GLIS3: variants seen among roughly 807,000 people sequenced by gnomAD.
GLIS3 encodes the protein GLIS family zinc finger 3, also known as zinc finger protein GLIS3.
Under a neutral mutation model 78.6 loss-of-function variants are expected in GLIS3, and 53 were observed. The observed-to-expected ratio is 0.67, with a 90% CI of 0.54 to 0.85. GLIS3 has a LOEUF of 0.85. Among genes scored for constraint, GLIS3 ranks in the 40% least tolerant of loss-of-function variants. The pLI is 0.00. For missense variants in GLIS3, 1,703 were observed against 1,231.1 expected, an observed-to-expected ratio of 1.38 and a Z score of -5.74; for synonymous variants, 684 against 509.9, an observed-to-expected ratio of 1.34 and a Z score of -4.60.
chr9:4,237,495 G>C (rs1587092595), intron 2 of GLIS3, among the ~76,000 whole-genome samples: 1 of 152,316 alleles, frequency 6.6e-6, no homozygotes, highest in East Asian at 1.9e-4. Flanking sequence ...TTCAGGCTCA[G>C]TCTACTGAGC....
At chr9:3,880,994 T>G (rs1217741337) in intron 7 of GLIS3, among the ~76,000 whole-genome samples, 1 of 152,012 alleles carries the variant, frequency 6.6e-6, no homozygotes, top group South Asian at 2.1e-4. Context: ...AGGCTGAGCT[T>G]CTGTTGTGTG....
At chr9:4,061,472 A>T (rs1270019952) in intron 4 of GLIS3, among the ~76,000 whole-genome samples, 1 of 152,176 alleles carries the variant, frequency 6.6e-6, no homozygotes, top group Non-Finnish European at 1.5e-5. Flanking sequence ...ATGGATGGAC[A>T]TTTGGATCAA....
At chr9:4,377,374 G>A in the GLIS3 span, among the ~76,000 whole-genome samples, 2 of 135,628 alleles carry the variant, frequency 1.5e-5, 1 homozygote, top group South Asian at 5.7e-4. Context: ...CAGACTCCAG[G>A]TTCTTTGGCT....
rs1817625552 is a variant in GLIS3, at chr9:3,824,578, T to C, written c.*3694A>G. The C allele has an allele frequency of 6.6e-6, 1 of 152,420 alleles. No individual in the cohort carries two copies. The highest frequency in any genetic ancestry group is 2.1e-4 in the South Asian group (1 of 4,832). 9.4% of individuals were successfully genotyped at this position (152,420 alleles called of 1,614,324 possible). ...AACAAGACAAAATAACTTATGATTATATGAAACATAACTGTGACAAATCAC... is the reference window on the plus strand; with the variant it reads ...AACAAGACAAAATAACTTATGATTACATGAAACATAACTGTGACAAATCAC... On this transcript the variant is annotated 3_prime_UTR_variant, in exon 11 of 11. Coordinates refer to ENST00000381971, the MANE Select transcript of GLIS3 (RefSeq NM_001042413.2).
At chr9:4,049,686 G>C (rs987520011) in intron 4 of GLIS3, among the ~76,000 whole-genome samples, 5 of 152,040 alleles carry the variant, frequency 3.3e-5, no homozygotes, top group Non-Finnish European at 5.9e-5. Flanking sequence ...GAACATTTTT[G>C]CAATCTACCC....
rs551421637 is a variant in GLIS3 at position 4,330,250 on chromosome 9, A to G, written n.264+16831T>C. Among the ~76,000 whole-genome samples, 3 of 152,336 alleles carry G rather than the reference A, an allele frequency of 2.0e-5. No homozygotes were observed. In the South Asian group the frequency reaches 6.2e-4, roughly 32 times the overall value. On this transcript the variant is annotated intron_variant and non_coding_transcript_variant, in intron 2 of 4. Transcript: ENST00000471664. ...TCCCAAGACAGCAAGGTGTAGACAA[A>G]TTGTTCCCATACTTTGGTGCACATT...
chr9:4,249,749 G>A (rs888368168), intron 2 of GLIS3, among the ~76,000 whole-genome samples: 2 of 152,184 alleles, frequency 1.3e-5, no homozygotes, highest in Admixed American at 6.5e-5. Flanking sequence ...GATATTGACT[G>A]TGGGTTTGTC....
At chr9:3,954,415 T>C (rs1435250544) in intron 4 of GLIS3, among the ~76,000 whole-genome samples, 1 of 152,250 alleles carries the variant, frequency 6.6e-6, no homozygotes, top group Non-Finnish European at 1.5e-5. Flanking sequence ...TGTGTTGTCT[T>C]TTCCTTAGCA....
chr9:3,970,432 C>T (rs192391301), intron 4 of GLIS3, among the ~76,000 whole-genome samples: 5 of 152,264 alleles, frequency 3.3e-5, no homozygotes, highest in Admixed American at 3.3e-4. Context: ...CTTTCCTAGA[C>T]AATCTGGGCA....
At chr9:4,323,654 C>G (rs1817566943) in intron 2 of GLIS3, among the ~76,000 whole-genome samples, 1 of 152,202 alleles carries the variant, frequency 6.6e-6, no homozygotes, top group South Asian at 2.1e-4. Context: ...TATAGACCTT[C>G]AAAGCATCAT....
At chr9:4,403,233 G>A in the GLIS3 span, among the ~76,000 whole-genome samples, 1 of 152,150 alleles carries the variant, frequency 6.6e-6, no homozygotes, top group Non-Finnish European at 1.5e-5. Flanking sequence ...AAGCAGTAAG[G>A]AGAAATAAGA....
the GLIS3 span, among the ~76,000 whole-genome samples, chr9:4,473,467 A>AAAAAAAAAAAAAAGAAAGG: frequency 1.7e-4 from 16 of 94,816 alleles, no homozygotes; most frequent in Non-Finnish European, 4.0e-4. Flanking sequence ...CAACAAAAAA[A>AAAAAAAAAAAAAAGAAAGG]AAGGATCATG....
chr9:3,973,196 T>A lies in GLIS3; in HGVS notation c.1711-36007A>T, dbSNP rs188810341. Among the ~76,000 whole-genome samples the A allele has an allele frequency of 6.2e-4, 94 of 152,328 alleles. 1 individual carries two copies. In the East Asian group the frequency reaches 0.017, roughly 28 times the overall value. On this transcript the variant is annotated intron_variant, in intron 4 of 10. Transcript: ENST00000381971. ...TGCTGCCATTGTTCTCAGAGTGTGA[T>A]ATCCTCCTGGGATCAAATGTGTGAC...
At chr9:3,848,967 A>T (rs1819233599) in intron 9 of GLIS3, among the ~76,000 whole-genome samples, 1 of 152,220 alleles carries the variant, frequency 6.6e-6, no homozygotes, top group South Asian at 2.1e-4. Flanking sequence ...CTCAGGAACC[A>T]CAGGAGCCGT....
At chr9:4,041,738 T>C (rs1446490015) in intron 4 of GLIS3, among the ~76,000 whole-genome samples, 1 of 152,196 alleles carries the variant, frequency 6.6e-6, no homozygotes, top group Non-Finnish European at 1.5e-5. Flanking sequence ...AGAAAGATGT[T>C]CTGAAGATAA....
At chr9:4,039,140 C>T (rs1050604770) in intron 4 of GLIS3, among the ~76,000 whole-genome samples, 1 of 152,200 alleles carries the variant, frequency 6.6e-6, no homozygotes, top group East Asian at 1.9e-4. Context: ...ACTCTTTTCA[C>T]ACCTAGGGTG....
At chr9:3,848,792 TTGGTGGC>T (rs1296798550) in intron 9 of GLIS3, among the ~76,000 whole-genome samples, 1 of 152,260 alleles carries the variant, frequency 6.6e-6, no homozygotes, top group East Asian at 1.9e-4. Flanking sequence ...TGGAGTCCTG[TTGGTGGC>T]TGGAAACCCT....
chr9:4,246,104 C>T (rs945611863), intron 2 of GLIS3, among the ~76,000 whole-genome samples: 3 of 152,044 alleles, frequency 2.0e-5, no homozygotes, highest in African/African-American at 4.8e-5. Flanking sequence ...AGGCCAGGCA[C>T]GGTGGCTCAT....
At chr9:4,225,324 G>C (rs13302568) in intron 2 of GLIS3, among the ~76,000 whole-genome samples, 1 of 152,074 alleles carries the variant, frequency 6.6e-6, no homozygotes, top group Admixed American at 6.6e-5. Context: ...GTATAGACCT[G>C]CTAGTCAAAA....
Sources: allele counts gnomAD v4.1 joint callset (sites outside exome capture counted in the v4.1 genomes callset), GRCh38; gene constraint gnomAD v4.1.1; transcripts MANE v1.5; gene names NCBI Gene and HGNC (gene_info 2026-07-23, HGNC 2026-07-21).